Variants in DLEU7 observed in about 807,000 individuals in gnomAD.
The protein encoded by DLEU7 is deleted in lymphocytic leukemia 7.
DLEU7 carries 17 observed loss-of-function variants against 16.0 expected under a neutral mutation model. The observed-to-expected ratio is 1.06, with a 90% CI of 0.73 to 1.59. The LOEUF (loss-of-function observed/expected upper bound fraction) is 1.59. DLEU7 is among the 40% of genes most tolerant of loss of function. DLEU7 has a pLI of 0.00. For synonymous variants in DLEU7, 113 were observed against 139.8 expected (o/e 0.81, Z 1.35); for missense variants, 308 against 314.9 (o/e 0.98, Z 0.17).
chr13:50,826,318 G>A (rs901975242), intron 1 of DLEU7, among the ~76,000 whole-genome samples: 1 of 152,080 alleles, frequency 6.6e-6, no homozygotes, highest in African/African-American at 2.4e-5. Context: ...AGTGATTAAA[G>A]ATATAGAAGA....
In DLEU7 at chr13:50,843,280, G is replaced by C. The variant is rs758939721; in HGVS notation, c.367C>G (p.Arg123Gly). The change falls in exon 1 of 2, where the codon CGC becomes GGC. Residue 123 changes from arginine (R) to glycine (G), a missense_variant. Transcript: ENST00000504404. The surrounding 1 kb of genome is among the most constrained non-coding windows in gnomAD (Gnocchi z 5.7). Reference sequence around the variant, plus strand: ...AGCTCCGAAGTCGAGTCCACCACGCGGGCCAGCGCGCTGCGCATCGCCATC... The same window carrying C: ...AGCTCCGAAGTCGAGTCCACCACGCCGGCCAGCGCGCTGCGCATCGCCATC... ...AQMAMRSALA[R>G]VVDSTSELVS... 46 of 1,576,372 alleles carry C rather than the reference G, an allele frequency of 2.9e-5. No homozygotes were observed. Among genetic ancestry groups the C allele is most frequent in the Non-Finnish European group, 4.0e-5 (46 of 1,161,230 alleles).
At chr13:50,828,449 T>C (rs1324261236) in intron 1 of DLEU7, among the ~76,000 whole-genome samples, 1 of 152,206 alleles carries the variant, frequency 6.6e-6, no homozygotes, top group Non-Finnish European at 1.5e-5. Context: ...AAGTTTCAAA[T>C]ACTTTATACT....
At chr13:50,786,745 G>T (rs554853032) in intron 1 of DLEU7, among the ~76,000 whole-genome samples, 2 of 152,148 alleles carry the variant, frequency 1.3e-5, no homozygotes, top group Non-Finnish European at 2.9e-5. Flanking sequence ...AACTCTTTGT[G>T]TGAGTTAAAA....
intron 1 of DLEU7, among the ~76,000 whole-genome samples, chr13:50,813,392 C>A (rs550817571): frequency 1.3e-4 from 20 of 151,972 alleles, no homozygotes; most frequent in Non-Finnish European, 2.8e-4. Flanking sequence ...GTAAAATAAA[C>A]AAGTGCTATG....
chr13:50,711,194 C>A (rs1052144261), downstream of DLEU7: 1 of 152,012 alleles, frequency 6.6e-6, no homozygotes, highest in African/African-American at 2.4e-5. Context: ...ATCAATATAA[C>A]AATGAAAATG....
At chr13:50,748,303 G>A (rs1874462695) in intron 1 of DLEU7, among the ~76,000 whole-genome samples, 1 of 145,748 alleles carries the variant, frequency 6.9e-6, no homozygotes, top group South Asian at 2.2e-4. Context: ...CCAGGACAGG[G>A]ATCTTGACTG....
At chr13:50,820,559 C>T (rs566317788), downstream of DLEU7, among the ~76,000 whole-genome samples, 12 of 152,098 alleles carry the variant, frequency 7.9e-5, no homozygotes, top group South Asian at 1.9e-3. Flanking sequence ...GCTAGGGAGA[C>T]GAGGAACATG....
chr13:50,838,893 C>T (rs921794652), intron 1 of DLEU7, among the ~76,000 whole-genome samples: 2 of 152,286 alleles, frequency 1.3e-5, no homozygotes, highest in Middle Eastern at 3.4e-3. Context: ...GAGGACGCAG[C>T]GAGAAGGCAG....
At chr13:50,736,450 A>G (rs926685297) in intron 1 of DLEU7, among the ~76,000 whole-genome samples, 2 of 152,132 alleles carry the variant, frequency 1.3e-5, no homozygotes, top group Non-Finnish European at 2.9e-5. Flanking sequence ...ACAAACCCCC[A>G]TGACATGAGT....
At chr13:50,739,058 T>G (rs2812250) in intron 1 of DLEU7, among the ~76,000 whole-genome samples, 17,573 of 151,878 alleles carry the variant, frequency 0.12, 1,170 homozygotes, top group African/African-American at 0.18. Flanking sequence ...CTTCTTATCA[T>G]GTTCTTTCCT....
At chr13:50,790,663 G>A (rs952801205) in intron 1 of DLEU7, among the ~76,000 whole-genome samples, 3 of 152,054 alleles carry the variant, frequency 2.0e-5, no homozygotes, top group Non-Finnish European at 2.9e-5. Flanking sequence ...AGGGGTGTGG[G>A]GTGGGCGGAC....
chr13:50,754,019 C>T (rs1337322285), intron 1 of DLEU7, among the ~76,000 whole-genome samples: 1 of 152,100 alleles, frequency 6.6e-6, no homozygotes, highest in Non-Finnish European at 1.5e-5. Context: ...CAGTTTTTTC[C>T]CACTGTGGTC....
At chr13:50,821,529 T>A (rs1157479480), downstream of DLEU7, among the ~76,000 whole-genome samples, 1 of 152,018 alleles carries the variant, frequency 6.6e-6, no homozygotes, top group Non-Finnish European at 1.5e-5. Flanking sequence ...TAGCACAAAA[T>A]GTGTTCTATG....
intron 1 of DLEU7, among the ~76,000 whole-genome samples, chr13:50,814,366 G>A (rs890042396): frequency 7.2e-5 from 11 of 151,948 alleles, no homozygotes; most frequent in Non-Finnish European, 1.3e-4. Context: ...CCAGCCAGCC[G>A]TCCACTCACT....
At chr13:50,749,310 C>A (rs925442244) in intron 1 of DLEU7, among the ~76,000 whole-genome samples, 3 of 151,716 alleles carry the variant, frequency 2.0e-5, no homozygotes, top group Non-Finnish European at 4.4e-5. Context: ...AGATATATAT[C>A]TCACAGTTTC....
intron 1 of DLEU7, among the ~76,000 whole-genome samples, chr13:50,742,975 C>T (rs1593537230): frequency 1.3e-5 from 2 of 152,164 alleles, no homozygotes; most frequent in African/African-American, 4.8e-5. Context: ...ATACAGGATG[C>T]ACCCCTCCAG....
intron 1 of DLEU7, among the ~76,000 whole-genome samples, chr13:50,804,688 C>T (rs9535483): frequency 0.18 from 27,020 of 151,962 alleles, 4,271 homozygotes; most frequent in African/African-American, 0.42. Flanking sequence ...TCAGGTGATC[C>T]GCCAGCCTAG....
At chr13:50,721,774 T>C (rs1873623528) in intron 1 of DLEU7, among the ~76,000 whole-genome samples, 1 of 152,208 alleles carries the variant, frequency 6.6e-6, no homozygotes, top group Non-Finnish European at 1.5e-5. Flanking sequence ...AGTCTAGGCA[T>C]GGGAAGTACT....
At chr13:50,721,344 T>C (rs1873606170) in intron 1 of DLEU7, among the ~76,000 whole-genome samples, 1 of 152,186 alleles carries the variant, frequency 6.6e-6, no homozygotes, top group Non-Finnish European at 1.5e-5. Context: ...CCTCCTCAGC[T>C]TGCAGACAGC....
Sources: gnomAD v4.1 joint callset for allele counts (sites outside exome capture counted in the v4.1 genomes callset) on GRCh38, gnomAD v4.1.1 for gene constraint, Gnocchi (gnomAD v3.1) non-coding constraint, MANE v1.5 for transcripts, NCBI Gene and HGNC (gene_info 2026-07-23, HGNC 2026-07-21) for gene names.